Variants in TIMP2 observed in about 807,000 individuals in gnomAD.
The protein encoded by TIMP2 is TIMP metallopeptidase inhibitor 2, also known as metalloproteinase inhibitor 2.
Under a neutral mutation model 24.3 loss-of-function variants are expected in TIMP2, and 5 were observed. The observed-to-expected ratio is 0.21, with a 90% confidence interval of 0.11 to 0.43. TIMP2 has a LOEUF of 0.43. TIMP2 is among the 20% of genes least tolerant of loss of function. TIMP2 has a pLI of 1.00. For synonymous variants in TIMP2, 130 were observed against 123.2 expected, an observed-to-expected ratio of 1.06 and a Z score of -0.37; for missense variants, 221 against 297.5, an observed-to-expected ratio of 0.74 and a Z score of 1.89.
At chr17:78,857,984 C>T (rs894066336) in intron 3 of TIMP2, among the ~76,000 whole-genome samples, 16 of 151,954 alleles carry the variant, frequency 1.1e-4, no homozygotes, top group African/African-American at 3.9e-4. Flanking sequence ...GCAGGAGAAT[C>T]GCTCTTGCAC....
chr17:78,908,218 C>T (rs926736016), intron 1 of TIMP2, among the ~76,000 whole-genome samples: 2 of 152,168 alleles, frequency 1.3e-5, no homozygotes, highest in African/African-American at 4.8e-5. Flanking sequence ...CACGCCCCTG[C>T]TACTGTATAT....
intron 2 of TIMP2, among the ~76,000 whole-genome samples, chr17:78,873,471 T>G (rs2069703093): frequency 6.6e-6 from 1 of 152,032 alleles, no homozygotes; most frequent in Non-Finnish European, 1.5e-5. Flanking sequence ...TGGCTGGTTT[T>G]TTGTAGAGAT....
Position 78,854,950 on chromosome 17 carries a change from A to C in TIMP2, c.*717T>G, listed in dbSNP as rs2069513597. On this transcript the variant is annotated 3_prime_UTR_variant, in exon 5 of 5. Transcript: ENST00000262768. ...GGGGGGGGGGTGGGGGGGTGGGTGC[A>C]GACCAAAAAGACTCAGCTGAGGCTG... 3 of 145,846 alleles carry C rather than the reference A, an allele frequency of 2.1e-5. No individual in the cohort carries two copies. The highest frequency in any genetic ancestry group is 2.0e-4 in the East Asian group (1 of 4,934). The allele number at this position is 145,846 out of a possible 1,614,324, so 9.0% of individuals were successfully genotyped here. A position where few individuals can be genotyped will look rare whatever the true frequency, so the allele number is the denominator to read the frequency against.
chr17:78,924,927 C>A lies in TIMP2; in HGVS notation c.130+32G>T. 1 of 1,206,498 alleles carries A rather than the reference C, an allele frequency of 8.3e-7. No homozygotes were observed. The highest frequency in any genetic ancestry group is 3.3e-4 in the Middle Eastern group (1 of 2,998). The allele number at this position is 1,206,498 out of a possible 1,614,324, so 74.7% of individuals were successfully genotyped here. A position where few individuals can be genotyped will look rare whatever the true frequency, so the allele number is the denominator to read the frequency against. On this transcript the variant is annotated intron_variant, in intron 1 of 4. Coordinates refer to ENST00000262768, the MANE Select transcript of TIMP2 (RefSeq NM_003255.5). This position sits in a 1 kb window ranked among gnomAD's most constrained non-coding sequence, Gnocchi z 5.3. ...CTCGGGGTCGCGGGGGAGGTGGGGC[C>A]CCGCGCGGGGGCTGGGGTCGCCGCT...
At chr17:78,906,946 A>G (rs1300656198) in intron 1 of TIMP2, among the ~76,000 whole-genome samples, 3 of 152,094 alleles carry the variant, frequency 2.0e-5, no homozygotes, top group African/African-American at 4.8e-5. Context: ...TTTCCTTCAC[A>G]TTCACAACTT....
Position 78,891,879 on chromosome 17 carries a change from C to T in TIMP2, c.131-17960G>A, listed in dbSNP as rs180840662. ...AGGTGAGAATTCATCCGACCCGTGG[C>T]TTTTGTAGTCTGTGGTTTCTCTGGA... On this transcript the variant is annotated intron_variant, in intron 1 of 4. Transcript: ENST00000262768. The surrounding 1 kb of genome is among the most constrained non-coding windows in gnomAD (Gnocchi z 4.5). The T allele has an allele frequency of 1.9e-5, 29 of 1,550,646 alleles. No homozygotes were observed. The highest frequency in any genetic ancestry group is 1.2e-4 in the Admixed American group (6 of 51,004).
rs763090188 is a variant in TIMP2 at position 78,855,630 on chromosome 17, T to C, written c.*37A>G. The stretch of plus-strand genomic sequence containing the variant: ...GGACCAGTCGAAACCCTTGGAGGCT[T>C]TTTTTGCAGTTGGCCACAGGGGCGT... On this transcript the variant is annotated 3_prime_UTR_variant, in exon 5 of 5. Coordinates refer to ENST00000262768, the MANE Select transcript of TIMP2 (RefSeq NM_003255.5). The surrounding 1 kb of genome is among the most constrained non-coding windows in gnomAD (Gnocchi z 6.0). The C allele has an allele frequency of 1.9e-6, 3 of 1,608,716 alleles. No homozygotes were observed. Among genetic ancestry groups the C allele is most frequent in the South Asian group, 2.2e-5 (2 of 90,966 alleles).
intron 1 of TIMP2, among the ~76,000 whole-genome samples, chr17:78,923,356 A>G (rs1255045166): frequency 1.7e-5 from 2 of 120,044 alleles, no homozygotes; most frequent in Non-Finnish European, 3.2e-5. Flanking sequence ...CTGCCTGGAC[A>G]TTCTCCCACA....
chr17:78,870,825 G>T, intron 3 of TIMP2, 73 bp downstream of exon 3: 1 of 1,331,628 alleles, frequency 7.5e-7, no homozygotes, highest in Non-Finnish European at 1.1e-6. Flanking sequence ...CCTGGGAAAC[G>T]AGCCCTGGAC....
chr17:78,911,672 C>G (rs911139343), intron 1 of TIMP2, among the ~76,000 whole-genome samples: 2 of 151,930 alleles, frequency 1.3e-5, no homozygotes, highest in Non-Finnish European at 2.9e-5. Context: ...CTCAAGTGAT[C>G]CGCCCACCTT....
In TIMP2 at chr17:78,855,988, T is replaced by A; in HGVS notation, c.466-124A>T. The A allele has an allele frequency of 1.0e-6, 1 of 994,712 alleles. No homozygotes were observed. Among genetic ancestry groups the A allele is most frequent in the Non-Finnish European group, 1.5e-6 (1 of 657,496 alleles). 61.6% of individuals were successfully genotyped at this position (994,712 alleles called of 1,614,324 possible). ...CCTGTCATGTGCAGGGATGGCAGCCTCTCCCGAGACCCACGGTTCCTGCAG... is the reference window on the plus strand; with the variant it reads ...CCTGTCATGTGCAGGGATGGCAGCCACTCCCGAGACCCACGGTTCCTGCAG... On this transcript the variant is annotated intron_variant, in intron 4 of 4. Transcript: ENST00000262768. This position sits in a 1 kb window ranked among gnomAD's most constrained non-coding sequence, Gnocchi z 6.0.
At chr17:78,918,630 C>T (rs572715477) in intron 1 of TIMP2, among the ~76,000 whole-genome samples, 1 of 152,328 alleles carries the variant, frequency 6.6e-6, no homozygotes, top group East Asian at 1.9e-4. Context: ...TCAGCCTCCA[C>T]ACTTTCTGTT....
rs1274825688 is a variant in TIMP2 at position 78,876,682 on chromosome 17, A to AT, written c.131-2764_131-2763insA. Among the ~76,000 whole-genome samples the AT allele has an allele frequency of 2.5e-4, 36 of 143,368 alleles. No individual in the cohort carries two copies. The East Asian group carries it at 7.4e-3, about 30-fold the overall frequency. The allele number at this position is 143,368 out of a possible 152,430, so 94.1% of individuals were successfully genotyped here. Reference sequence around the variant, plus strand: ...CAGGTAACTGCCACCTTGCCAGGCTAATTTTTTTTTTTTTTGGTATTTTTA... The same window carrying AT: ...CAGGTAACTGCCACCTTGCCAGGCTATATTTTTTTTTTTTTTGGTATTTTTA... On this transcript the variant is annotated intron_variant, in intron 1 of 4. Coordinates refer to ENST00000262768, the MANE Select transcript of TIMP2 (RefSeq NM_003255.5).
At chr17:78,873,589 G>A (rs1173623238) in intron 2 of TIMP2, among the ~76,000 whole-genome samples, 3 of 152,158 alleles carry the variant, frequency 2.0e-5, no homozygotes, top group East Asian at 3.9e-4. Context: ...CGCAACGCCC[G>A]GACAGGTTTC....
chr17:78,924,943 G>C lies in TIMP2; in HGVS notation c.130+16C>G. On this transcript the variant is annotated intron_variant, in intron 1 of 4. Coordinates refer to ENST00000262768, the MANE Select transcript of TIMP2 (RefSeq NM_003255.5). The surrounding 1 kb of genome is among the most constrained non-coding windows in gnomAD (Gnocchi z 5.3). ...AGGTGGGGCCCCGCGCGGGGGCTGGGGTCGCCGCTCCTTACCTACATCTGC... is the reference window on the plus strand; with the variant it reads ...AGGTGGGGCCCCGCGCGGGGGCTGGCGTCGCCGCTCCTTACCTACATCTGC... 8.0e-7 allele frequency: 1 copy of C among 1,249,316 alleles called. No individual in the cohort carries two copies. Among genetic ancestry groups the C allele is most frequent in the Admixed American group, 4.0e-5 (1 of 24,722 alleles). The allele number at this position is 1,249,316 out of a possible 1,614,324, so 77.4% of individuals were successfully genotyped here.
intron 1 of TIMP2, among the ~76,000 whole-genome samples, chr17:78,903,742 G>A (rs1255590908): frequency 1.3e-5 from 2 of 152,114 alleles, no homozygotes; most frequent in African/African-American, 4.8e-5. Context: ...TGATCAGAAG[G>A]ATGGGCGAGG....
intron 1 of TIMP2, among the ~76,000 whole-genome samples, chr17:78,884,907 G>A (rs956307201): frequency 2.6e-5 from 4 of 152,234 alleles, no homozygotes; most frequent in Non-Finnish European, 4.4e-5. Flanking sequence ...AAGGGGAAGG[G>A]AGATTTGTGC....
At position 78,924,988 on chromosome 17, in the gene TIMP2, G is replaced by C; in HGVS notation, c.101C>G (p.Pro34Arg). 7.7e-7 allele frequency: 1 copy of C among 1,303,884 alleles called. No homozygotes were observed. Among genetic ancestry groups the C allele is most frequent in the Non-Finnish European group, 9.8e-7 (1 of 1,016,296 alleles). The allele number at this position is 1,303,884 out of a possible 1,614,324, so 80.8% of individuals were successfully genotyped here. Residue 34 changes from proline (P) to arginine (R), a missense_variant, in exon 1 of 5, where the codon CCG becomes CGG. Pro to Arg is a moderately radical substitution (Grantham distance 103, BLOSUM62 -2). Transcript: ENST00000262768. This position sits in a 1 kb window ranked among gnomAD's most constrained non-coding sequence, Gnocchi z 5.3. ...ATCTGCATTGCAAAACGCCTGTTGCGGGTGCACCGGGGAGCAGCTGCAGGC... is the reference window on the plus strand; with the variant it reads ...ATCTGCATTGCAAAACGCCTGTTGCCGGTGCACCGGGGAGCAGCTGCAGGC... ...ADACSCSPVHPQQAFCNADVV... is the reference protein window; with the variant it reads ...ADACSCSPVHRQQAFCNADVV...
intron 1 of TIMP2, among the ~76,000 whole-genome samples, chr17:78,903,805 C>T (rs553485677): frequency 1.3e-5 from 2 of 151,854 alleles, no homozygotes; most frequent in Admixed American, 6.6e-5. Context: ...GGGAGTCTGG[C>T]CGGTGCAGGG....
Sources: allele counts gnomAD v4.1 joint callset (sites outside exome capture counted in the v4.1 genomes callset), GRCh38; gene constraint gnomAD v4.1.1; non-coding constraint Gnocchi (gnomAD v3.1); transcripts MANE v1.5; gene names NCBI Gene and HGNC (gene_info 2026-07-23, HGNC 2026-07-21).